The following FMN2 variants were observed in gnomAD, a reference collection of about 807,000 sequenced individuals.
FMN2 encodes the protein formin 2.
FMN2 carries 51 observed loss-of-function variants against 142.3 expected under a neutral mutation model. The observed-to-expected ratio is 0.36, with a 90% CI of 0.29 to 0.45. FMN2 has a LOEUF of 0.45. Ranked by LOEUF, FMN2 falls within the 20% of genes least tolerant of loss-of-function variation. The probability of loss-of-function intolerance (pLI) is 1.00; values close to 1 mark genes in which losing one functional copy is unlikely to be tolerated. For synonymous variants in FMN2, 882 were observed against 869.8 expected, an observed-to-expected ratio of 1.01 and a Z score of -0.25; for missense variants, 1,936 against 2,122.8, an observed-to-expected ratio of 0.91 and a Z score of 1.73.
intron 16 of FMN2, among the ~76,000 whole-genome samples, chr1:240,465,667 A>G (rs937185283): frequency 5.3e-5 from 8 of 152,178 alleles, no homozygotes; most frequent in African/African-American, 1.9e-4. Context: ...CCAGCAGGAA[A>G]TGAAACCGTC....
intron 13 of FMN2, among the ~76,000 whole-genome samples, chr1:240,349,770 G>T (rs1172166670): frequency 1.3e-5 from 2 of 152,188 alleles, no homozygotes; most frequent in South Asian, 2.1e-4. Context: ...ACTCAGAGAA[G>T]TCTTTAAATT....
intron 16 of FMN2, among the ~76,000 whole-genome samples, chr1:240,466,693 A>G (rs1252619676): frequency 6.6e-6 from 1 of 152,068 alleles, no homozygotes; most frequent in African/African-American, 2.4e-5. Flanking sequence ...TTCCAGCATT[A>G]CTCTATCTTT....
chr1:240,450,068 C>T (rs1167335095), intron 16 of FMN2, among the ~76,000 whole-genome samples: 3 of 152,036 alleles, frequency 2.0e-5, no homozygotes, highest in Non-Finnish European at 2.9e-5. Context: ...CCCCATTTCT[C>T]ATATACTTAT....
intron 2 of FMN2, among the ~76,000 whole-genome samples, chr1:240,126,142 G>A (rs1289835270): frequency 2.0e-5 from 3 of 152,180 alleles, no homozygotes; most frequent in South Asian, 4.1e-4. Context: ...AGAGGGCGAC[G>A]ATATAATGAT....
chr1:240,260,524 C>T (rs977383756), intron 7 of FMN2, among the ~76,000 whole-genome samples: 1 of 151,954 alleles, frequency 6.6e-6, no homozygotes, highest in Non-Finnish European at 1.5e-5. Flanking sequence ...AGCATTTTTT[C>T]ATGTTTGTTG....
At chr1:240,212,145 A>T (rs191983331) in intron 6 of FMN2, among the ~76,000 whole-genome samples, 1 of 152,320 alleles carries the variant, frequency 6.6e-6, no homozygotes, top group East Asian at 1.9e-4. Context: ...TAGGAGTTCC[A>T]GCTAATGGGG....
intron 2 of FMN2, among the ~76,000 whole-genome samples, chr1:240,137,002 G>A (rs975242383): frequency 1.3e-5 from 2 of 149,360 alleles, no homozygotes; most frequent in Non-Finnish European, 3.0e-5. Flanking sequence ...CCCAAGAGGC[G>A]GACATTGCAG....
intron 15 of FMN2, among the ~76,000 whole-genome samples, chr1:240,406,777 C>T (rs1674217599): frequency 6.6e-6 from 1 of 152,146 alleles, no homozygotes; most frequent in African/African-American, 2.4e-5. Flanking sequence ...CCAGCTCCCC[C>T]AGCCCGGTCT....
chr1:240,415,149 A>G (rs1003040112), intron 15 of FMN2, among the ~76,000 whole-genome samples: 2 of 152,218 alleles, frequency 1.3e-5, no homozygotes, highest in East Asian at 1.9e-4. Flanking sequence ...ATGCCCATCA[A>G]TGATAGACTG....
intron 6 of FMN2, among the ~76,000 whole-genome samples, chr1:240,228,303 CAAAAAAAAAAAAAAAAAAAAAAA>C (rs577421634): frequency 2.1e-5 from 1 of 47,726 alleles, no homozygotes; most frequent in Non-Finnish European, 4.4e-5. Flanking sequence ...AACTCTGTCT[CAAAAAAAAAAAAAAAAAAAAAAA>C]AAAAAAGAAA....
chr1:240,372,983 G>A (rs1319614097), intron 14 of FMN2, among the ~76,000 whole-genome samples: 3 of 152,206 alleles, frequency 2.0e-5, no homozygotes, highest in Non-Finnish European at 4.4e-5. Flanking sequence ...TCAGGTATAC[G>A]AGACCAGCCT....
rs145732478 is a variant in FMN2 at position 240,460,328 on chromosome 1, G to A, written c.5061-12044G>A. 3.4e-3 allele frequency among the ~76,000 whole-genome samples: 525 copies of A among 152,246 alleles called. 5 individuals are homozygous for A. The highest frequency in any genetic ancestry group is 0.012 in the African/African-American group (496 of 41,554). ...GATTGTAGGCCAAGCGTGCTGGCTC[G>A]TGCCTGTAACACCAGCACTTTGAGA... On this transcript the variant is annotated intron_variant, in intron 16 of 17. Transcript: ENST00000319653.
At chr1:240,118,479 G>A (rs532819746) in intron 1 of FMN2, among the ~76,000 whole-genome samples, 2 of 152,074 alleles carry the variant, frequency 1.3e-5, no homozygotes, top group Non-Finnish European at 2.9e-5. Flanking sequence ...CAGAACAATT[G>A]TTCTCCCCCA....
At chr1:240,334,410 T>C (rs1671493283) in intron 13 of FMN2, among the ~76,000 whole-genome samples, 181 bp downstream of exon 13, 1 of 152,234 alleles carries the variant, frequency 6.6e-6, no homozygotes. Flanking sequence ...AAAAGTTATG[T>C]GTATCAAAAA....
intron 14 of FMN2, among the ~76,000 whole-genome samples, chr1:240,387,022 C>T (rs940684159): frequency 6.6e-6 from 1 of 152,198 alleles, no homozygotes; most frequent in African/African-American, 2.4e-5. Flanking sequence ...AAAGGGGAAA[C>T]ATCATTGCTA....
At position 240,191,072 on chromosome 1, in the gene FMN2, G is replaced by A. The variant is rs114674071; in HGVS notation, c.1986+2810G>A. Among the ~76,000 whole-genome samples the A allele has an allele frequency of 8.9e-3, 1,357 of 152,238 alleles. 22 individuals carry two copies. Among genetic ancestry groups the A allele is most frequent in the African/African-American group, 0.032 (1,310 of 41,548 alleles). On this transcript the variant is annotated intron_variant, in intron 4 of 17. Coordinates refer to ENST00000319653, the MANE Select transcript of FMN2 (RefSeq NM_020066.5). The stretch of plus-strand genomic sequence containing the variant: ...TAAGAGATTTTTCTGGTCCATCAGC[G>A]TTGCCTGCGTTCTTCTGTGGTCGTA...
intron 1 of FMN2, among the ~76,000 whole-genome samples, chr1:240,116,653 G>A (rs1278514766): frequency 6.6e-6 from 1 of 152,134 alleles, no homozygotes; most frequent in Non-Finnish European, 1.5e-5. Flanking sequence ...CACTTTGGGA[G>A]GTTGAAGCAG....
chr1:240,412,705 G>A (rs948960838), intron 15 of FMN2, among the ~76,000 whole-genome samples: 6 of 152,182 alleles, frequency 3.9e-5, no homozygotes, highest in African/African-American at 1.4e-4. Flanking sequence ...TGGAAGACCA[G>A]ACATAGGGAG....
chr1:240,123,146 T>C (rs1387435651), intron 1 of FMN2, 33 bp from the exon 2 acceptor site: 2 of 1,612,120 alleles, frequency 1.2e-6, no homozygotes, highest in African/African-American at 2.7e-5. Flanking sequence ...TGATCGGCAG[T>C]GCTCGCTCTT....
Sources: allele counts gnomAD v4.1 joint callset (sites outside exome capture counted in the v4.1 genomes callset), GRCh38; gene constraint gnomAD v4.1.1; transcripts MANE v1.5; gene names NCBI Gene and HGNC (gene_info 2026-07-23, HGNC 2026-07-21).